KIAA1217: variants seen among roughly 807,000 people sequenced by gnomAD.
The protein encoded by KIAA1217 is KIAA1217.
Under a neutral mutation model 163.9 loss-of-function variants are expected in KIAA1217, and 88 were observed. The ratio of observed to expected loss-of-function variants is 0.54; its 90% confidence interval spans 0.45 to 0.64. KIAA1217 has a LOEUF of 0.64. Ranked by LOEUF, KIAA1217 falls within the 30% of genes least tolerant of loss-of-function variation. KIAA1217 has a pLI of 0.00. For missense variants in KIAA1217, 2,372 were observed against 2,475.0 expected, an observed-to-expected ratio of 0.96 and a Z score of 0.88; for synonymous variants, 903 against 923.1, an observed-to-expected ratio of 0.98 and a Z score of 0.39.
chr10:24,519,789 A>C (rs2070796868), intron 10 of KIAA1217, among the ~76,000 whole-genome samples: 2 of 149,022 alleles, frequency 1.3e-5, no homozygotes, highest in Non-Finnish European at 1.5e-5. Flanking sequence ...CTCCTACCCC[A>C]CCCTCCCACC....
chr10:24,164,201 T>A (rs1193494598), intron 2 of KIAA1217, among the ~76,000 whole-genome samples: 6 of 152,138 alleles, frequency 3.9e-5, no homozygotes, highest in Non-Finnish European at 7.4e-5. Context: ...AGCCACCCAG[T>A]TGCTTATCGT....
At chr10:24,090,164 C>CTTTTTTTTTTTTTTT (rs1162687231) in intron 2 of KIAA1217, among the ~76,000 whole-genome samples, 7 of 109,236 alleles carry the variant, frequency 6.4e-5, no homozygotes, top group East Asian at 2.6e-4. Flanking sequence ...TTTTCTTTTT[C>CTTTTTTTTTTTTTTT]TTTTTTTTTT....
chr10:23,894,462 T>C (rs1841581221), intron 1 of KIAA1217, among the ~76,000 whole-genome samples: 1 of 144,734 alleles, frequency 6.9e-6, no homozygotes, highest in South Asian at 2.2e-4. Context: ...CAAGGAGAAC[T>C]ACAAACCACT....
chr10:24,379,723 C>T (rs2053027488), intron 2 of KIAA1217, among the ~76,000 whole-genome samples: 1 of 152,142 alleles, frequency 6.6e-6, no homozygotes, highest in African/African-American at 2.4e-5. Flanking sequence ...CAAGGCAGGA[C>T]TGGCTAAAGA....
At chr10:23,841,464 C>CCAAAAGACATTTATG (rs1463657698) in intron 1 of KIAA1217, among the ~76,000 whole-genome samples, 17 of 152,024 alleles carry the variant, frequency 1.1e-4, no homozygotes, top group African/African-American at 3.9e-4. Flanking sequence ...TGTAAAGCAC[C>CCAAAAGACATTTATG]CAAAAGACAT....
intron 2 of KIAA1217, among the ~76,000 whole-genome samples, chr10:24,081,945 T>G (rs2061551510): frequency 6.6e-6 from 1 of 152,200 alleles, no homozygotes; most frequent in Non-Finnish European, 1.5e-5. Flanking sequence ...GCCCCAGAAG[T>G]GCTTCTTTGA....
At chr10:24,255,569 G>A (rs912840026) in intron 2 of KIAA1217, 20 of 455,662 alleles carry the variant, frequency 4.4e-5, no homozygotes, top group African/African-American at 1.2e-4. Context: ...GCTGTGGGGG[G>A]CCCTTCCGAG....
intron 2 of KIAA1217, among the ~76,000 whole-genome samples, chr10:24,358,317 C>T (rs1048116195): frequency 6.6e-5 from 10 of 152,072 alleles, no homozygotes; most frequent in African/African-American, 2.2e-4. Context: ...TTGGTTGGGG[C>T]AGTTCTAAGA....
At chr10:23,826,078 T>G (rs1249760823) in intron 1 of KIAA1217, among the ~76,000 whole-genome samples, 1 of 152,162 alleles carries the variant, frequency 6.6e-6, no homozygotes, top group Non-Finnish European at 1.5e-5. Flanking sequence ...AACTTTAACC[T>G]GAACCCTAAC....
rs1022786154 is a variant in KIAA1217, at chr10:23,735,040, A to G, written c.-321+39806A>G. 2.0e-5 allele frequency among the ~76,000 whole-genome samples: 3 copies of G among 151,954 alleles called. No homozygotes were observed. The South Asian group carries it at 6.2e-4, about 32-fold the overall frequency. On this transcript the variant is annotated intron_variant, in intron 1 of 18. Transcript: ENST00000376462. The stretch of plus-strand genomic sequence containing the variant: ...ATCACAATTTATTTGTTTCTTGTTG[A>G]TAAACATTTGAGTTTAAAAAAAATC...
At chr10:23,761,853 T>C (rs1030674964) in intron 1 of KIAA1217, among the ~76,000 whole-genome samples, 2 of 152,016 alleles carry the variant, frequency 1.3e-5, no homozygotes, top group African/African-American at 4.8e-5. Flanking sequence ...ACAAAATAGA[T>C]ACATTCCTAG....
intron 1 of KIAA1217, among the ~76,000 whole-genome samples, chr10:23,980,478 CTCTA>C (rs1220121995): frequency 6.6e-6 from 1 of 152,206 alleles, no homozygotes; most frequent in Non-Finnish European, 1.5e-5. Flanking sequence ...ATCAGCCTGA[CTCTA>C]TCTGACAATC....
At chr10:24,078,776 G>A (rs2061447579) in intron 2 of KIAA1217, among the ~76,000 whole-genome samples, 1 of 151,908 alleles carries the variant, frequency 6.6e-6, no homozygotes, top group Non-Finnish European at 1.5e-5. Context: ...AGACAGATGA[G>A]AGAGAGAGAG....
intron 3 of KIAA1217, among the ~76,000 whole-genome samples, chr10:24,396,149 C>T (rs535001833): frequency 6.6e-6 from 1 of 152,058 alleles, no homozygotes; most frequent in African/African-American, 2.4e-5. Context: ...CCAGCCTGGC[C>T]AACATGGTGA....
intron 2 of KIAA1217, among the ~76,000 whole-genome samples, chr10:24,223,044 A>G (rs2069880371): frequency 6.6e-6 from 1 of 151,774 alleles, no homozygotes; most frequent in African/African-American, 2.4e-5. Flanking sequence ...ACCAGAGGTC[A>G]CTCTTGTGGC....
intron 2 of KIAA1217, among the ~76,000 whole-genome samples, chr10:24,041,182 T>C (rs1035470595): frequency 7.2e-5 from 11 of 152,200 alleles, no homozygotes; most frequent in Non-Finnish European, 1.5e-5. Context: ...ATAGAGAGTT[T>C]GTATAGACTC....
intron 2 of KIAA1217, among the ~76,000 whole-genome samples, chr10:24,192,147 G>C (rs187733103): frequency 6.6e-6 from 1 of 152,364 alleles, no homozygotes; most frequent in African/African-American, 2.4e-5. Context: ...ATGTATGTAT[G>C]TTTATGCATA....
intron 2 of KIAA1217, among the ~76,000 whole-genome samples, chr10:24,081,482 C>T (rs1474325190): frequency 6.6e-6 from 1 of 152,192 alleles, no homozygotes; most frequent in Non-Finnish European, 1.5e-5. Context: ...GACAGCCTGA[C>T]TCATGCCGGA....
chr10:24,072,174 T>C (rs571489151), intron 2 of KIAA1217, among the ~76,000 whole-genome samples: 2 of 152,052 alleles, frequency 1.3e-5, no homozygotes, highest in African/African-American at 4.8e-5. Flanking sequence ...TAAAGGCACA[T>C]ACCACCACAC....
Sources: gnomAD v4.1 joint callset for allele counts (sites outside exome capture counted in the v4.1 genomes callset) on GRCh38, gnomAD v4.1.1 for gene constraint, MANE v1.5 for transcripts, NCBI Gene and HGNC (gene_info 2026-07-23, HGNC 2026-07-21) for gene names.